The following WASHC2A variants were observed in gnomAD, a reference collection of about 807,000 sequenced individuals.
The protein encoded by WASHC2A is WASH complex subunit 2A.
WASHC2A carries 82 observed loss-of-function variants against 140.3 expected under a neutral mutation model. That is an observed-to-expected ratio of 0.58 (90% CI 0.49 to 0.70). WASHC2A has a LOEUF of 0.70. Among genes scored for constraint, WASHC2A ranks in the 30% least tolerant of loss-of-function variants. The probability of loss-of-function intolerance (pLI) is 0.00; values close to 1 mark genes in which losing one functional copy is unlikely to be tolerated. For missense variants in WASHC2A, 985 were observed against 1,521.8 expected (o/e 0.65, Z 5.87); for synonymous variants, 340 against 560.8 (o/e 0.61, Z 5.56).
At chr10:50,076,816 T>TAA (rs547485067) in intron 3 of WASHC2A, among the ~76,000 whole-genome samples, 87 of 116,686 alleles carry the variant, frequency 7.5e-4, no homozygotes, top group African/African-American at 2.2e-3. Flanking sequence ...CCATCTCTAC[T>TAA]AAAAAAAAAA....
chr10:50,076,138 C>G (rs1838290824), intron 3 of WASHC2A, among the ~76,000 whole-genome samples: 1 of 152,040 alleles, frequency 6.6e-6, no homozygotes, highest in Admixed American at 6.6e-5. Context: ...GTTGGCCAGG[C>G]TGGTCTCAAA....
At chr10:50,107,697 A>G (rs1329423093) in intron 19 of WASHC2A, among the ~76,000 whole-genome samples, 2 of 151,774 alleles carry the variant, frequency 1.3e-5, no homozygotes, top group East Asian at 3.9e-4. Context: ...TGAGGCAGGC[A>G]GATCACTTGA....
chr10:50,100,968 C>G (rs1231680744), intron 17 of WASHC2A, among the ~76,000 whole-genome samples: 3 of 152,310 alleles, frequency 2.0e-5, no homozygotes, highest in African/African-American at 7.2e-5. Flanking sequence ...GTAATAAGCC[C>G]CTTTTACAGA....
chr10:50,101,679 G>A (rs1242991114), intron 17 of WASHC2A, among the ~76,000 whole-genome samples: 21 of 152,248 alleles, frequency 1.4e-4, no homozygotes, highest in Non-Finnish European at 2.2e-4. Context: ...GTTATTTGTT[G>A]CTATGAAACA....
At chr10:50,087,046 A>G (rs1554881280) in intron 7 of WASHC2A, among the ~76,000 whole-genome samples, 1 of 145,830 alleles carries the variant, frequency 6.9e-6, no homozygotes, top group East Asian at 1.9e-4. Flanking sequence ...TAAGTGAACC[A>G]CAAAAATTAC....
chr10:50,078,400 T>C (rs1838560407), intron 3 of WASHC2A, among the ~76,000 whole-genome samples: 1 of 152,242 alleles, frequency 6.6e-6, no homozygotes, highest in African/African-American at 2.4e-5. Context: ...TTACTGTTTT[T>C]GCAACTCTTG....
At chr10:50,076,899 C>T (rs868952478) in intron 3 of WASHC2A, among the ~76,000 whole-genome samples, 3,752 of 150,772 alleles carry the variant, frequency 0.025, 74 homozygotes, top group South Asian at 0.082. Flanking sequence ...GGGCGAATCA[C>T]GAGGTCAGAT....
At position 50,132,871 on chromosome 10, in the gene WASHC2A, G is replaced by A. The variant is rs374534528; in HGVS notation, c.3952G>A (p.Ala1318Thr). 3.0e-5 allele frequency: 49 copies of A among 1,611,956 alleles called. No homozygotes were observed. Among genetic ancestry groups the A allele is most frequent in the Non-Finnish European group, 3.8e-5 (45 of 1,179,836 alleles). Reference protein sequence around the residue: ...TKPKSRSAQAAPEPRFEHKVS... With the variant: ...TKPKSRSAQATPEPRFEHKVS... ...ACCAAAAAGCCGATCTGCACAGGCC[G>A]CACCTGAACCAAGATTTGAACACAA... The change falls in exon 31 of 31, where the codon GCA becomes ACA. Residue 1318 changes from alanine to threonine, a missense_variant. Ala to Thr is a moderately conservative substitution (Grantham distance 58). Transcript: ENST00000282633.
rs2132866011 is a variant in WASHC2A at position 50,110,201 on chromosome 10, A to G, written c.1970A>G (p.Lys657Arg). ...DSGTLQSQEA[K>R]AVKKTSLFEE... ...GGGACCCTCCAGAGCCAGGAGGCCA[A>G]GGCTGTGAAAAAGACCAGTCTCTTT... Residue 657 changes from lysine (K) to arginine (R), a missense_variant, in exon 20 of 31, where the codon AAG becomes AGG. Physicochemically the swap from Lys to Arg is conservative, Grantham distance 26. Transcript: ENST00000282633. 1 of 1,611,822 alleles carries G rather than the reference A, an allele frequency of 6.2e-7. No individual in the cohort carries two copies. Among genetic ancestry groups the G allele is most frequent in the Non-Finnish European group, 8.5e-7 (1 of 1,179,800 alleles).
intron 3 of WASHC2A, among the ~76,000 whole-genome samples, chr10:50,077,074 A>G (rs1554878251): frequency 1.3e-5 from 2 of 148,526 alleles, no homozygotes; most frequent in South Asian, 2.1e-4. Flanking sequence ...CCGAGATCGC[A>G]CCACTGCACT....
chr10:50,069,958 G>A (rs1206932163), intron 3 of WASHC2A, among the ~76,000 whole-genome samples: 1 of 152,102 alleles, frequency 6.6e-6, no homozygotes, highest in African/African-American at 2.4e-5. Flanking sequence ...TTGTCGTTTT[G>A]AGAGTAGTCA....
At position 50,131,081 on chromosome 10, in the gene WASHC2A, A is replaced by G; in HGVS notation, c.3886+3A>G. 2.5e-6 allele frequency: 4 copies of G among 1,611,938 alleles called. No individual in the cohort carries two copies. Among genetic ancestry groups the G allele is most frequent in the Non-Finnish European group, 3.4e-6 (4 of 1,179,816 alleles). On this transcript the variant is annotated splice_donor_region_variant and intron_variant, in intron 30 of 30. Coordinates refer to ENST00000282633, the MANE Select transcript of WASHC2A (RefSeq NM_001005751.3). Reference sequence around the variant, plus strand: ...GTCTATATTTGATGATGATATGGGTAAGTTTGGTTTTCTACATCTGACCTA... The same window carrying G: ...GTCTATATTTGATGATGATATGGGTGAGTTTGGTTTTCTACATCTGACCTA...
Position 50,084,082 on chromosome 10 carries a change from T to C in WASHC2A, c.539T>C (p.Ile180Thr). ...TTTCATGATGTACAGGATCTATACA[T>C]TGATCGTCCTTTACCATATCTCATT... Reference protein sequence around the residue: ...ELILEPKDLYIDRPLPYLIGS... With the variant: ...ELILEPKDLYTDRPLPYLIGS... The change falls in exon 6 of 31, where the codon ATT (isoleucine) becomes ACT (threonine). Residue 180 changes from isoleucine (I) to threonine (T), a missense_variant. Ile to Thr is a moderately conservative substitution (Grantham distance 89). Transcript: ENST00000282633. 1 of 1,611,530 alleles carries C rather than the reference T, an allele frequency of 6.2e-7. No individual in the cohort carries two copies. Among genetic ancestry groups the C allele is most frequent in the South Asian group, 1.1e-5 (1 of 90,966 alleles).
rs1194085470 is a variant in WASHC2A at position 50,129,510 on chromosome 10, G to C, written c.3179G>C (p.Ser1060Thr). 6.2e-7 allele frequency: 1 copy of C among 1,611,908 alleles called. No individual in the cohort carries two copies. Among genetic ancestry groups the C allele is most frequent in the East Asian group, 2.2e-5 (1 of 44,880 alleles). ...AQESSETEDM[S>T]VPRGPIAQWA... ...GAGTCCAGCGAGACTGAGGACATGA[G>C]CGTCCCCAGAGGACCCATTGCACAG... Residue 1060 changes from serine (S) to threonine (T), a missense_variant, in exon 29 of 31, where the codon AGC (serine) becomes ACC (threonine). Ser to Thr is a moderately conservative substitution (Grantham distance 58). Coordinates refer to ENST00000282633, the MANE Select transcript of WASHC2A (RefSeq NM_001005751.3).
At chr10:50,095,331 G>A in intron 14 of WASHC2A, 124 bp downstream of exon 14, 1 of 926,364 alleles carries the variant, frequency 1.1e-6, no homozygotes. Flanking sequence ...AGGGCTTTGA[G>A]CATCTTATAG....
At chr10:50,102,562 A>C (rs1321303284) in intron 17 of WASHC2A, among the ~76,000 whole-genome samples, 2 of 151,814 alleles carry the variant, frequency 1.3e-5, no homozygotes, top group Non-Finnish European at 2.9e-5. Flanking sequence ...AAATAAACCC[A>C]TGGGACTCCG....
chr10:50,117,624 G>A (rs1275181297), intron 21 of WASHC2A, among the ~76,000 whole-genome samples: 3 of 149,160 alleles, frequency 2.0e-5, no homozygotes, highest in South Asian at 2.2e-4. Context: ...TAATCGTCTG[G>A]TGGCAGAGAT....
intron 8 of WASHC2A, among the ~76,000 whole-genome samples, chr10:50,088,131 A>G (rs1299998341): frequency 6.6e-6 from 1 of 151,588 alleles, no homozygotes; most frequent in Non-Finnish European, 1.5e-5. Flanking sequence ...CTTATTTTGA[A>G]TAGCCTTTGC....
chr10:50,076,718 C>T (rs1221097761), intron 3 of WASHC2A, among the ~76,000 whole-genome samples: 3 of 152,068 alleles, frequency 2.0e-5, no homozygotes, highest in Non-Finnish European at 4.4e-5. Context: ...TGGCTCACAC[C>T]TGTAATCCCA....
Sources: gnomAD v4.1 joint callset for allele counts (sites outside exome capture counted in the v4.1 genomes callset) on GRCh38, gnomAD v4.1.1 for gene constraint, MANE v1.5 for transcripts, NCBI Gene and HGNC (gene_info 2026-07-23, HGNC 2026-07-21) for gene names.